MAGI2: variants seen among roughly 807,000 people sequenced by gnomAD.
The protein encoded by MAGI2 is membrane-associated guanylate kinase, WW and PDZ domain-containing protein 2.
A neutral mutation model predicts 133.3 loss-of-function variants in MAGI2; 35 were observed. The ratio of observed to expected loss-of-function variants is 0.26; its 90% CI spans 0.20 to 0.35. The LOEUF is 0.35. Ranked by LOEUF, MAGI2 falls within the 10% of genes least tolerant of loss-of-function variation. The pLI is 1.00. For missense variants in MAGI2, 1,636 were observed against 1,863.4 expected, an observed-to-expected ratio of 0.88 and a Z score of 2.25; for synonymous variants, 729 against 710.6, an observed-to-expected ratio of 1.03 and a Z score of -0.41.
chr7:78,892,191 C>T (rs1366850559), intron 2 of MAGI2, among the ~76,000 whole-genome samples: 1 of 152,094 alleles, frequency 6.6e-6, no homozygotes, highest in Non-Finnish European at 1.5e-5. Flanking sequence ...AGGACCTCTT[C>T]AAGGAGAACT....
At chr7:79,252,768 ATAT>A (rs1226053091) in intron 1 of MAGI2, among the ~76,000 whole-genome samples, 1 of 152,194 alleles carries the variant, frequency 6.6e-6, no homozygotes, top group African/African-American at 2.4e-5. Flanking sequence ...AATTAAAAAA[ATAT>A]TATTTTATGA....
At chr7:78,528,893 T>G (rs556627869) in intron 3 of MAGI2, among the ~76,000 whole-genome samples, 100 of 152,234 alleles carry the variant, frequency 6.6e-4, no homozygotes, top group African/African-American at 2.2e-3. Context: ...TCATCAATAC[T>G]TATACTGAAC....
chr7:78,024,782 A>G (rs1429560739), intron 21 of MAGI2, among the ~76,000 whole-genome samples: 1 of 151,966 alleles, frequency 6.6e-6, no homozygotes, highest in Non-Finnish European at 1.5e-5. Context: ...TGCTATTCAG[A>G]AAAGAGAAGT....
At chr7:79,236,872 C>G (rs150877919) in intron 1 of MAGI2, among the ~76,000 whole-genome samples, 1 of 152,242 alleles carries the variant, frequency 6.6e-6, no homozygotes, top group East Asian at 1.9e-4. Context: ...AAGACTCCAT[C>G]TCTACAAAAA....
chr7:79,242,259 T>C (rs1832471580), intron 1 of MAGI2, among the ~76,000 whole-genome samples: 1 of 152,192 alleles, frequency 6.6e-6, no homozygotes, highest in Non-Finnish European at 1.5e-5. Context: ...TGTATATATA[T>C]ATCATAACAT....
At chr7:78,344,140 G>A (rs1790666172) in intron 8 of MAGI2, among the ~76,000 whole-genome samples, 180 bp from the exon 9 acceptor site, 2 of 152,162 alleles carry the variant, frequency 1.3e-5, no homozygotes, top group African/African-American at 2.4e-5. Context: ...TCCTACACAC[G>A]AAGAGCAGTC....
intron 21 of MAGI2, among the ~76,000 whole-genome samples, chr7:78,070,218 T>TACACACAC (rs374567182): frequency 1.1e-3 from 56 of 52,274 alleles, no homozygotes; most frequent in African/African-American, 2.5e-3. Context: ...TATATATATA[T>TACACACAC]ACACACACAC....
rs1008263266 is a variant in MAGI2, at chr7:79,211,116, A to G, written c.302-203910T>C. The stretch of plus-strand genomic sequence containing the variant: ...TATTCATGATATGTGAAGTGGGAGA[A>G]AGTAAGTAGGTTAATAAAGAGGCAT... On this transcript the variant is annotated intron_variant, in intron 1 of 21. Transcript: ENST00000354212. 6.6e-5 allele frequency among the ~76,000 whole-genome samples: 10 copies of G among 152,220 alleles called. No homozygotes were observed. In the East Asian group the frequency reaches 1.9e-3, roughly 29 times the overall value.
At chr7:78,366,104 TAAA>T (rs2151251624) in intron 7 of MAGI2, among the ~76,000 whole-genome samples, 2 of 152,302 alleles carry the variant, frequency 1.3e-5, no homozygotes, top group East Asian at 3.9e-4. Flanking sequence ...GGTGTGTAAT[TAAA>T]CATAAGAATG....
At chr7:78,975,207 A>G (rs1249077428) in intron 2 of MAGI2, among the ~76,000 whole-genome samples, 1 of 151,782 alleles carries the variant, frequency 6.6e-6, no homozygotes, top group African/African-American at 2.4e-5. Flanking sequence ...ACAATAGTCC[A>G]TCTAACAAGA....
At chr7:79,315,125 C>T (rs568406669) in intron 1 of MAGI2, among the ~76,000 whole-genome samples, 26 of 149,900 alleles carry the variant, frequency 1.7e-4, no homozygotes, top group African/African-American at 3.2e-4. Flanking sequence ...TTTAAAAATG[C>T]GATTTTGTTC....
chr7:78,738,685 A>T (rs1285605959), intron 2 of MAGI2, among the ~76,000 whole-genome samples: 1 of 152,208 alleles, frequency 6.6e-6, no homozygotes, highest in African/African-American at 2.4e-5. Flanking sequence ...TCATGATGAA[A>T]AAAGGATGGC....
rs573352063 is a variant in MAGI2, at chr7:78,250,506, C to T, written c.2047+5437G>A. ...CAGAAAAGGAAAAGTAAATCAAACA[C>T]GAAGTAAGCTGGAGAGAAAAAACTA... On this transcript the variant is annotated intron_variant, in intron 10 of 21. Transcript: ENST00000354212. Among the ~76,000 whole-genome samples the T allele has an allele frequency of 1.2e-3, 183 of 151,966 alleles. 2 individuals carry two copies. In the Middle Eastern group the frequency reaches 0.031, roughly 25 times the overall value.
At chr7:79,329,890 A>T (rs1839941578) in intron 1 of MAGI2, among the ~76,000 whole-genome samples, 1 of 152,222 alleles carries the variant, frequency 6.6e-6, no homozygotes, top group South Asian at 2.1e-4. Flanking sequence ...TTCACTTAAT[A>T]GTTCTGAATT....
intron 21 of MAGI2, among the ~76,000 whole-genome samples, chr7:78,045,663 G>A (rs1811344290): frequency 6.6e-6 from 1 of 152,158 alleles, no homozygotes; most frequent in South Asian, 2.1e-4. Context: ...GTTTATATGT[G>A]AGACAAGCCC....
At chr7:78,455,333 T>C (rs1467139416) in intron 6 of MAGI2, among the ~76,000 whole-genome samples, 5 of 152,186 alleles carry the variant, frequency 3.3e-5, no homozygotes, top group Non-Finnish European at 7.4e-5. Context: ...TAGTTTCTCA[T>C]TGGGTAATTA....
chr7:79,436,164 T>G (rs4236609), intron 1 of MAGI2, among the ~76,000 whole-genome samples: 104,486 of 149,556 alleles, frequency 0.7, 36,504 homozygotes, highest in East Asian at 0.75. Context: ...CACGGAGGTT[T>G]CAGTGAGCCG....
At chr7:78,176,374 A>T (rs1028543499) in intron 14 of MAGI2, among the ~76,000 whole-genome samples, 7 of 152,148 alleles carry the variant, frequency 4.6e-5, no homozygotes, top group Non-Finnish European at 7.4e-5. Flanking sequence ...CATCCCCAGG[A>T]ATTCGGAAAT....
intron 2 of MAGI2, among the ~76,000 whole-genome samples, chr7:78,634,897 T>C (rs1238780161): frequency 6.6e-6 from 1 of 152,136 alleles, no homozygotes; most frequent in Non-Finnish European, 1.5e-5. Context: ...ATAAGTTTTA[T>C]TATCCAAATT....
Sources: gnomAD v4.1 joint callset for allele counts (sites outside exome capture counted in the v4.1 genomes callset) on GRCh38, gnomAD v4.1.1 for gene constraint, MANE v1.5 for transcripts, NCBI Gene and HGNC (gene_info 2026-07-23, HGNC 2026-07-21) for gene names.